Variants in EDIL3 observed in about 807,000 individuals in gnomAD.
EDIL3 encodes EGF-like repeat and discoidin I-like domain-containing protein 3.
EDIL3 carries 37 observed loss-of-function variants against 67.4 expected under a neutral mutation model. The observed-to-expected ratio is 0.55, with a 90% CI of 0.42 to 0.72. The LOEUF is 0.72. Among genes scored for constraint, EDIL3 ranks in the 30% least tolerant of loss-of-function variants. The pLI is 0.00. For synonymous variants in EDIL3, 195 were observed against 196.3 expected, an observed-to-expected ratio of 0.99 and a Z score of 0.05; for missense variants, 527 against 586.3, an observed-to-expected ratio of 0.90 and a Z score of 1.04.
intron 1 of EDIL3, among the ~76,000 whole-genome samples, chr5:84,294,556 A>G (rs1746003127): frequency 6.6e-6 from 1 of 151,908 alleles, no homozygotes; most frequent in African/African-American, 2.4e-5. Context: ...ATGTGCATAC[A>G]TATATACATA....
At chr5:83,979,678 G>A (rs1744935917) in intron 9 of EDIL3, among the ~76,000 whole-genome samples, 1 of 151,938 alleles carries the variant, frequency 6.6e-6, no homozygotes, top group African/African-American at 2.4e-5. Context: ...TTAACTTTAA[G>A]GTAGCATAGA....
chr5:84,100,950 G>A (rs755329196), intron 6 of EDIL3, among the ~76,000 whole-genome samples: 34 of 151,350 alleles, frequency 2.2e-4, no homozygotes, highest in Middle Eastern at 3.4e-3. Flanking sequence ...TTTTTCTTTC[G>A]CCAAAAAAAA....
chr5:84,062,999 C>T (rs1227305704), intron 8 of EDIL3, among the ~76,000 whole-genome samples: 2 of 152,098 alleles, frequency 1.3e-5, no homozygotes, highest in African/African-American at 4.8e-5. Context: ...AGATATTACT[C>T]TCTGCATGCA....
intron 10 of EDIL3, among the ~76,000 whole-genome samples, chr5:83,955,954 T>A (rs1744507179): frequency 6.6e-6 from 1 of 151,822 alleles, no homozygotes; most frequent in Non-Finnish European, 1.5e-5. Flanking sequence ...TCAAAATTAA[T>A]CCTTAAAGAA....
At chr5:84,115,605 G>A (rs1176187332) in intron 5 of EDIL3, among the ~76,000 whole-genome samples, 3 of 152,114 alleles carry the variant, frequency 2.0e-5, no homozygotes, top group Non-Finnish European at 2.9e-5. Flanking sequence ...AAACAGTTCT[G>A]CTGTAGGACA....
chr5:83,989,739 T>G lies in EDIL3; in HGVS notation c.1138-26379A>C, dbSNP rs114001957. On this transcript the variant is annotated intron_variant, in intron 9 of 10. Transcript: ENST00000296591. ...GCCTTTCCTGAATGCAGGTGAGACC[T>G]GTGATTTGCTTCTAACCAACAGGGA... Among the ~76,000 whole-genome samples, 908 of 152,314 alleles carry G rather than the reference T, an allele frequency of 6.0e-3. 11 individuals carry two copies. The highest frequency in any genetic ancestry group is 0.021 in the African/African-American group (874 of 41,572).
intron 3 of EDIL3, among the ~76,000 whole-genome samples, chr5:84,218,305 C>T (rs1052083132): frequency 7.9e-5 from 12 of 152,254 alleles, no homozygotes; most frequent in African/African-American, 2.4e-4. Context: ...TTCTAGGCAA[C>T]GCAGTTTAAC....
At chr5:84,312,718 G>A (rs1279192954) in intron 1 of EDIL3, among the ~76,000 whole-genome samples, 7 of 152,290 alleles carry the variant, frequency 4.6e-5, no homozygotes, top group Non-Finnish European at 1.0e-4. Context: ...CAGACGGGGC[G>A]GCTATTCAAT....
At chr5:84,371,927 T>G (rs987903125) in intron 1 of EDIL3, among the ~76,000 whole-genome samples, 1 of 152,102 alleles carries the variant, frequency 6.6e-6, no homozygotes, top group Non-Finnish European at 1.5e-5. Flanking sequence ...AAACTTTCAG[T>G]CCCACCACGA....
At chr5:83,975,537 C>T (rs1744863644) in intron 9 of EDIL3, among the ~76,000 whole-genome samples, 1 of 151,794 alleles carries the variant, frequency 6.6e-6, no homozygotes, top group South Asian at 2.1e-4. Flanking sequence ...TTATAAGACA[C>T]CTCCATCTGT....
chr5:84,211,755 C>G (rs1205365839), intron 3 of EDIL3, among the ~76,000 whole-genome samples: 1 of 152,186 alleles, frequency 6.6e-6, no homozygotes, highest in African/African-American at 2.4e-5. Flanking sequence ...GCCTTGACTT[C>G]AGACTTCTAG....
intron 5 of EDIL3, among the ~76,000 whole-genome samples, chr5:84,109,049 A>G (rs1209564200): frequency 6.6e-6 from 1 of 152,186 alleles, no homozygotes; most frequent in Non-Finnish European, 1.5e-5. Flanking sequence ...ACCTCCCTTT[A>G]GTAGCTAACA....
intron 6 of EDIL3, among the ~76,000 whole-genome samples, chr5:84,083,629 T>G (rs999137500): frequency 1.3e-5 from 2 of 152,066 alleles, no homozygotes; most frequent in Admixed American, 6.6e-5. Context: ...AGCCAAAATT[T>G]TTTCATCTAT....
chr5:84,126,328 C>T (rs1747868653), intron 5 of EDIL3, among the ~76,000 whole-genome samples: 1 of 152,002 alleles, frequency 6.6e-6, no homozygotes, highest in African/African-American at 2.4e-5. Context: ...AAACCATTAA[C>T]TCAGGTTTCT....
chr5:84,208,996 C>A (rs1324004303), intron 3 of EDIL3, among the ~76,000 whole-genome samples: 1 of 152,114 alleles, frequency 6.6e-6, no homozygotes, highest in Admixed American at 6.5e-5. Context: ...CAATGATAGA[C>A]TGGATTAAGA....
At chr5:84,013,329 G>C (rs1471920120) in intron 9 of EDIL3, among the ~76,000 whole-genome samples, 1 of 152,000 alleles carries the variant, frequency 6.6e-6, no homozygotes, top group East Asian at 1.9e-4. Flanking sequence ...TATTTTATTA[G>C]GCTAACTTGG....
chr5:84,281,805 T>C (rs555513561), intron 1 of EDIL3, among the ~76,000 whole-genome samples: 11 of 151,832 alleles, frequency 7.2e-5, no homozygotes, highest in Admixed American at 2.0e-4. Flanking sequence ...TGAACACCTA[T>C]GTATCTACCA....
intron 4 of EDIL3, among the ~76,000 whole-genome samples, chr5:84,179,742 G>C (rs1377870253): frequency 1.3e-5 from 2 of 152,100 alleles, no homozygotes; most frequent in African/African-American, 2.4e-5. Context: ...GCTTAGAGTT[G>C]GCTGTGGCCC....
At chr5:84,022,563 T>C (rs1745737439) in intron 9 of EDIL3, among the ~76,000 whole-genome samples, 1 of 151,956 alleles carries the variant, frequency 6.6e-6, no homozygotes, top group South Asian at 2.1e-4. Flanking sequence ...TATTTGATCA[T>C]AATACAAATG....
Sources: gnomAD v4.1 joint callset for allele counts (sites outside exome capture counted in the v4.1 genomes callset) on GRCh38, gnomAD v4.1.1 for gene constraint, MANE v1.5 for transcripts, NCBI Gene and HGNC (gene_info 2026-07-23, HGNC 2026-07-21) for gene names.